PALM2AKAP2: variants seen among roughly 807,000 people sequenced by gnomAD.
PALM2AKAP2 encodes the protein PALM2-AKAP2 fusion protein.
PALM2AKAP2 carries 37 observed loss-of-function variants against 71.5 expected under a neutral mutation model. The observed-to-expected ratio is 0.52, with a 90% CI of 0.40 to 0.68. PALM2AKAP2 has a LOEUF of 0.68. PALM2AKAP2 is among the 30% of genes least tolerant of loss of function. The pLI is 0.00. For synonymous variants in PALM2AKAP2, 468 were observed against 478.8 expected (o/e 0.98, Z 0.29); for missense variants, 1,224 against 1,191.8 (o/e 1.03, Z -0.40).
chr9:109,807,396 A>G (rs1411764149), intron 1 of PALM2AKAP2, among the ~76,000 whole-genome samples: 1 of 152,222 alleles, frequency 6.6e-6, no homozygotes, highest in Non-Finnish European at 1.5e-5. Context: ...GGTGGCTTAT[A>G]TACAACAGAA....
At chr9:109,883,723 T>G (rs753107451) in intron 3 of PALM2AKAP2, among the ~76,000 whole-genome samples, 1 of 152,236 alleles carries the variant, frequency 6.6e-6, no homozygotes, top group Non-Finnish European at 1.5e-5. Context: ...TGAATAGTTC[T>G]AAAGGCTCAT....
At chr9:109,682,558 G>T (rs1827752182) in intron 1 of PALM2AKAP2, among the ~76,000 whole-genome samples, 1 of 152,148 alleles carries the variant, frequency 6.6e-6, no homozygotes, top group Non-Finnish European at 1.5e-5. Flanking sequence ...CTTAACCAAG[G>T]CCATTTGACG....
At chr9:109,830,415 G>T (rs1345836411) in intron 1 of PALM2AKAP2, among the ~76,000 whole-genome samples, 1 of 152,148 alleles carries the variant, frequency 6.6e-6, no homozygotes, top group Non-Finnish European at 1.5e-5. Context: ...CATCAAACCA[G>T]GGGCTGGTGT....
intron 1 of PALM2AKAP2, among the ~76,000 whole-genome samples, chr9:109,707,030 T>C (rs1270048166): frequency 1.3e-5 from 2 of 152,186 alleles, no homozygotes; most frequent in South Asian, 2.1e-4. Context: ...ACTAAGTGAG[T>C]GAGCTTTATA....
At chr9:109,858,650 G>A (rs1268351564) in intron 1 of PALM2AKAP2, among the ~76,000 whole-genome samples, 3 of 152,118 alleles carry the variant, frequency 2.0e-5, no homozygotes, top group Non-Finnish European at 2.9e-5. Flanking sequence ...CTTCGGGAGA[G>A]TTTGATTCTG....
intron 1 of PALM2AKAP2, among the ~76,000 whole-genome samples, chr9:109,799,194 G>A (rs1030942309): frequency 6.6e-6 from 1 of 152,262 alleles, no homozygotes; most frequent in Non-Finnish European, 1.5e-5. Context: ...GCAGAACAGT[G>A]TCAGGAAGTG....
exon 2 of PALM2AKAP2, chr9:110,136,363 C>T (rs750257722): frequency 1.4e-5 from 22 of 1,614,088 alleles, no homozygotes; most frequent in East Asian, 6.7e-5. Flanking sequence ...CTGATCACCA[C>T]GAATCCCTGG....
intron 1 of PALM2AKAP2, among the ~76,000 whole-genome samples, chr9:109,835,906 C>T (rs992324560): frequency 1.3e-5 from 2 of 152,180 alleles, no homozygotes; most frequent in Non-Finnish European, 2.9e-5. Flanking sequence ...TGGAGCCCAC[C>T]GCAGCTCAAG....
intron 3 of PALM2AKAP2, among the ~76,000 whole-genome samples, chr9:109,884,134 G>A (rs534766707): frequency 4.6e-5 from 7 of 152,320 alleles, no homozygotes; most frequent in South Asian, 2.1e-4. Context: ...AAAATGGACC[G>A]GCATTAGGGA....
At chr9:109,725,571 C>T (rs1358110370) in intron 1 of PALM2AKAP2, among the ~76,000 whole-genome samples, 1 of 152,076 alleles carries the variant, frequency 6.6e-6, no homozygotes, top group African/African-American at 2.4e-5. Flanking sequence ...TATGGTATGA[C>T]TCGTAAGAAA....
intron 1 of PALM2AKAP2, among the ~76,000 whole-genome samples, chr9:109,665,832 G>A (rs1032781131): frequency 5.9e-5 from 9 of 152,216 alleles, no homozygotes; most frequent in African/African-American, 2.2e-4. Flanking sequence ...TTGTTGAGCT[G>A]CAGTGGGCTC....
At chr9:110,110,011 G>A (rs577278359) in intron 1 of PALM2AKAP2, among the ~76,000 whole-genome samples, 2 of 152,226 alleles carry the variant, frequency 1.3e-5, no homozygotes, top group East Asian at 3.9e-4. Flanking sequence ...CTAAATTCAA[G>A]AGCTCTATTG....
Position 110,099,230 on chromosome 9 carries a change from A to G in PALM2AKAP2, c.157-36897A>G, listed in dbSNP as rs372878773. ...TAATGCTGTTTTTCCTACGGAATCAATTTCTGTAGAAATAGAAACCATGGT... is the reference window on the plus strand; with the variant it reads ...TAATGCTGTTTTTCCTACGGAATCAGTTTCTGTAGAAATAGAAACCATGGT... On this transcript the variant is annotated intron_variant, in intron 1 of 3. Transcript: ENST00000374525. 1.1e-4 allele frequency among the ~76,000 whole-genome samples: 17 copies of G among 152,334 alleles called. No individual in the cohort carries two copies. In the South Asian group the frequency reaches 2.3e-3, roughly 20 times the overall value.
intron 1 of PALM2AKAP2, among the ~76,000 whole-genome samples, chr9:109,680,591 A>G (rs972355218): frequency 1.3e-5 from 2 of 152,212 alleles, no homozygotes; most frequent in Non-Finnish European, 2.9e-5. Context: ...TTTTTTAAAG[A>G]AGGAATTATA....
At chr9:109,873,748 C>T (rs375073428) in intron 2 of PALM2AKAP2, among the ~76,000 whole-genome samples, 5 of 152,138 alleles carry the variant, frequency 3.3e-5, no homozygotes, top group African/African-American at 1.2e-4. Flanking sequence ...CAGGAAACAA[C>T]AGGAGACTTA....
chr9:109,835,773 TG>T (rs1198814465), intron 1 of PALM2AKAP2, among the ~76,000 whole-genome samples: 3 of 152,186 alleles, frequency 2.0e-5, no homozygotes, highest in Admixed American at 1.3e-4. Context: ...CATGGAGCCT[TG>T]CTCATTGCTA....
intron 1 of PALM2AKAP2, among the ~76,000 whole-genome samples, chr9:110,131,075 T>A (rs545401270): frequency 6.6e-6 from 1 of 152,342 alleles, no homozygotes; most frequent in East Asian, 1.9e-4. Context: ...CTTGAGTTTA[T>A]ATTCCCATTT....
intron 1 of PALM2AKAP2, among the ~76,000 whole-genome samples, chr9:110,086,949 T>C (rs890717289): frequency 2.6e-5 from 4 of 152,216 alleles, no homozygotes; most frequent in Non-Finnish European, 5.9e-5. Context: ...TTGCTCTGGC[T>C]TTATTTCTTG....
intron 1 of PALM2AKAP2, among the ~76,000 whole-genome samples, chr9:109,654,036 G>A (rs376081365): frequency 6.6e-6 from 1 of 152,130 alleles, no homozygotes; most frequent in Non-Finnish European, 1.5e-5. Context: ...ATAGATAAAT[G>A]CAATCTTATC....
Sources: allele counts gnomAD v4.1 joint callset (sites outside exome capture counted in the v4.1 genomes callset), GRCh38; gene constraint gnomAD v4.1.1; transcripts MANE v1.5; gene names NCBI Gene and HGNC (gene_info 2026-07-23, HGNC 2026-07-21).